APC: variants seen among roughly 807,000 people sequenced by gnomAD.
The protein encoded by APC is APC regulator of Wnt signaling pathway, also known as adenomatous polyposis coli protein.
APC carries 72 observed loss-of-function variants against 247.0 expected under a neutral mutation model. The observed-to-expected ratio is 0.29, with a 90% CI of 0.24 to 0.35. APC has a LOEUF of 0.35. Ranked by LOEUF, APC falls within the 10% of genes least tolerant of loss-of-function variation. The probability of loss-of-function intolerance (pLI) is 1.00; values close to 1 mark genes in which losing one functional copy is unlikely to be tolerated. For missense variants in APC, 3,400 were observed against 3,360.7 expected (o/e 1.01, Z -0.29); for synonymous variants, 1,254 against 1,162.5 (o/e 1.08, Z -1.60).
At chr5:112,733,165 A>G (rs534698209), upstream of APC, among the ~76,000 whole-genome samples, 8 of 152,352 alleles carry the variant, frequency 5.3e-5, no homozygotes, top group Non-Finnish European at 8.8e-5. Context: ...GAAAGGGCTG[A>G]TAGTTAATTT....
At chr5:112,781,834 A>C (rs905557380) in intron 6 of APC, among the ~76,000 whole-genome samples, 1 of 151,538 alleles carries the variant, frequency 6.6e-6, no homozygotes, top group African/African-American at 2.4e-5. Context: ...CTCACCTGCA[A>C]CTTCCGCCTC....
At chr5:112,795,272 C>T (rs948718223) in intron 7 of APC, among the ~76,000 whole-genome samples, 7 of 152,248 alleles carry the variant, frequency 4.6e-5, no homozygotes, top group South Asian at 2.1e-4. Context: ...ATGATCTGCC[C>T]GCCTCGGCCT....
chr5:112,815,717 C>T, intron 9 of APC, 124 bp downstream of exon 9: 1 of 682,514 alleles, frequency 1.5e-6, no homozygotes, highest in African/African-American at 1.8e-5. Context: ...AGGTGGATCA[C>T]TTGAGGCCAG....
At chr5:112,796,044 A>G (rs570186560) in intron 7 of APC, among the ~76,000 whole-genome samples, 1 of 152,346 alleles carries the variant, frequency 6.6e-6, no homozygotes, top group South Asian at 2.1e-4. Flanking sequence ...AAATTTACAC[A>G]GTAGGAGAGA....
At chr5:112,786,348 T>A (rs1343793845) in intron 6 of APC, among the ~76,000 whole-genome samples, 2 of 152,170 alleles carry the variant, frequency 1.3e-5, no homozygotes, top group African/African-American at 4.8e-5. Context: ...GTAAATAATT[T>A]AGGAAAACTC....
chr5:112,764,274 C>T (rs1199090196), intron 2 of APC, among the ~76,000 whole-genome samples: 3 of 149,812 alleles, frequency 2.0e-5, no homozygotes, highest in Non-Finnish European at 3.0e-5. Context: ...GAGACCTGAT[C>T]ACAGCTGTGC....
At chr5:112,827,071 G>T (rs1002717735) in intron 11 of APC, 37 bp from the exon 12 acceptor site, 1 of 1,609,940 alleles carries the variant, frequency 6.2e-7, no homozygotes, top group African/African-American at 1.3e-5. Flanking sequence ...TTTTATTTTA[G>T]ATGATTGTCT....
intron 1 of APC, among the ~76,000 whole-genome samples, chr5:112,726,531 G>T (rs1252995622): frequency 6.6e-6 from 1 of 152,078 alleles, no homozygotes; most frequent in East Asian, 1.9e-4. Context: ...GGGGGTTTGG[G>T]GTTTTTAATG....
rs1445491467 is a variant in APC, at chr5:112,835,207, A to G, written c.1958+42A>G. The G allele has an allele frequency of 4.6e-6, 7 of 1,528,154 alleles. No individual in the cohort carries two copies. The highest frequency in any genetic ancestry group is 2.8e-5 in the African/African-American group (2 of 72,550). 94.7% of individuals were successfully genotyped at this position (1,528,154 alleles called of 1,614,324 possible). ...ATATTACTTTTAAAGTACAGAATTC[A>G]TACTCTCAAAAAGACCTAATTGTAA... On this transcript the variant is annotated intron_variant, in intron 15 of 15. Coordinates refer to ENST00000257430, the MANE Select transcript of APC (RefSeq NM_000038.6).
At position 112,843,226 on chromosome 5, in the gene APC, A is replaced by G. The variant is rs749324187; in HGVS notation, c.7632A>G (p.Ser2544=). ...CTTCTAGACTTCCAATCAATAGGTC[A>G]GGAACCTGGAAACGTGAGCACAGCA... ...ESPSRLPINR[S]GTWKREHSKH... is the part of the protein sequence containing the mutation. The change falls in exon 16 of 16, where the codon TCA becomes TCG. Residue 2544 remains serine (S), a synonymous_variant. Transcript: ENST00000257430. This position sits in a 1 kb window ranked among gnomAD's most constrained non-coding sequence, Gnocchi z 4.8. 2 of 1,613,822 alleles carry G rather than the reference A, an allele frequency of 1.2e-6. No homozygotes were observed. The highest frequency in any genetic ancestry group is 1.7e-6 in the Non-Finnish European group (2 of 1,179,850).
At chr5:112,818,278 C>T (rs1033725994) in intron 9 of APC, among the ~76,000 whole-genome samples, 3 of 152,184 alleles carry the variant, frequency 2.0e-5, no homozygotes, top group Admixed American at 6.5e-5. Flanking sequence ...TGCCACTTTC[C>T]GGTTTCTAAT....
chr5:112,748,743 T>C (rs990447392), intron 1 of APC, among the ~76,000 whole-genome samples: 5 of 152,056 alleles, frequency 3.3e-5, no homozygotes, highest in African/African-American at 7.2e-5. Flanking sequence ...TGCTTGAACC[T>C]GGGAGGTTAC....
rs1580666939 is a variant in APC, at chr5:112,841,624, A to G, written c.6030A>G (p.Lys2010=). The G allele has an allele frequency of 6.2e-7, 1 of 1,613,356 alleles. No homozygotes were observed. Reference sequence around the variant, plus strand: ...CTCAAGCATCAGGCTATGCTCCTAAATCATTTCATGTTGAAGATACCCCAG... The same window carrying G: ...CTCAAGCATCAGGCTATGCTCCTAAGTCATTTCATGTTGAAGATACCCCAG... ...SKPQASGYAP[K]SFHVEDTPVC... is the part of the protein sequence containing the mutation. The change falls in exon 16 of 16, where the codon AAA becomes AAG. Residue 2010 remains lysine, a synonymous_variant. Coordinates refer to ENST00000257430, the MANE Select transcript of APC (RefSeq NM_000038.6). The surrounding 1 kb of genome is among the most constrained non-coding windows in gnomAD (Gnocchi z 4.6).
At chr5:112,733,099 T>C (rs1752178020), upstream of APC, among the ~76,000 whole-genome samples, 2 of 152,224 alleles carry the variant, frequency 1.3e-5, no homozygotes, top group African/African-American at 4.8e-5. Context: ...TGGAGCCTTC[T>C]AAAGTATCTC....
chr5:112,714,434 G>A (rs1346894288), intron 1 of APC, among the ~76,000 whole-genome samples: 1 of 152,066 alleles, frequency 6.6e-6, no homozygotes, highest in African/African-American at 2.4e-5. Flanking sequence ...CACAAAACTG[G>A]CTTAAACAAA....
At chr5:112,781,231 A>G (rs1037884056) in intron 6 of APC, among the ~76,000 whole-genome samples, 8 of 152,216 alleles carry the variant, frequency 5.3e-5, no homozygotes, top group Admixed American at 2.0e-4. Context: ...CTTAGACTGT[A>G]TAAAGGCATT....
At position 112,766,318 on chromosome 5, in the gene APC, T is replaced by C; in HGVS notation, c.136-8T>C. On this transcript the variant is annotated splice_polypyrimidine_tract_variant and splice_region_variant and intron_variant, in intron 2 of 15. Coordinates refer to ENST00000257430, the MANE Select transcript of APC (RefSeq NM_000038.6). ...TTTCATGTTAATATATTGTGTTCTT[T>C]TTAACAGGAAGTACTTAAACAACTA... 6.4e-7 allele frequency: 1 copy of C among 1,565,468 alleles called. No individual in the cohort carries two copies. The highest frequency in any genetic ancestry group is 1.7e-5 in the Admixed American group (1 of 59,936).
At chr5:112,805,237 G>A (rs932245066) in intron 8 of APC, among the ~76,000 whole-genome samples, 3 of 151,622 alleles carry the variant, frequency 2.0e-5, no homozygotes, top group Non-Finnish European at 4.4e-5. Flanking sequence ...TTTTCATTTT[G>A]GGAAAATAGA....
intron 5 of APC, among the ~76,000 whole-genome samples, chr5:112,779,731 C>T (rs1758118083): frequency 6.6e-6 from 1 of 151,782 alleles, no homozygotes; most frequent in Admixed American, 6.6e-5. Flanking sequence ...ACAACTGGCT[C>T]AGTAGGAATA....
Sources: allele counts gnomAD v4.1 joint callset (sites outside exome capture counted in the v4.1 genomes callset), GRCh38; gene constraint gnomAD v4.1.1; non-coding constraint Gnocchi (gnomAD v3.1); transcripts MANE v1.5; gene names NCBI Gene and HGNC (gene_info 2026-07-23, HGNC 2026-07-21).